PCDH15: variants seen among roughly 807,000 people sequenced by gnomAD.
PCDH15 encodes the protein protocadherin-15.
In PCDH15, 129 loss-of-function variants were observed where a neutral mutation model predicts 178.5. The observed-to-expected ratio is 0.72, with a 90% CI of 0.63 to 0.84. PCDH15 has a LOEUF of 0.84. Ranked by LOEUF, PCDH15 falls within the 40% of genes least tolerant of loss-of-function variation. PCDH15 has a pLI of 0.00. For missense variants in PCDH15, 2,230 were observed against 2,099.9 expected (o/e 1.06, Z -1.21); for synonymous variants, 800 against 732.0 (o/e 1.09, Z -1.50).
At chr10:54,231,599 C>T (rs2054082110) in intron 9 of PCDH15, among the ~76,000 whole-genome samples, 1 of 152,210 alleles carries the variant, frequency 6.6e-6, no homozygotes, top group South Asian at 2.1e-4. Context: ...TGACAGCTTG[C>T]AATGTGCACC....
At chr10:55,088,667 A>G (rs1842239915) in intron 2 of PCDH15, among the ~76,000 whole-genome samples, 1 of 152,140 alleles carries the variant, frequency 6.6e-6, no homozygotes, top group Admixed American at 6.6e-5. Flanking sequence ...TAGAATTTAT[A>G]TGTGTGTATA....
intron 2 of PCDH15, among the ~76,000 whole-genome samples, chr10:54,589,236 G>A (rs1181698133): frequency 6.6e-6 from 1 of 151,882 alleles, no homozygotes. Context: ...TTGTACTCTA[G>A]TTGTGCTTAT....
chr10:54,692,805 A>G (rs2095149802), intron 1 of PCDH15, among the ~76,000 whole-genome samples: 1 of 151,412 alleles, frequency 6.6e-6, no homozygotes, highest in African/African-American at 2.4e-5. Context: ...TAAAGATTAA[A>G]TGAGAAAATG....
intron 13 of PCDH15, among the ~76,000 whole-genome samples, chr10:54,162,744 T>C (rs1388798726): frequency 1.3e-5 from 2 of 152,188 alleles, no homozygotes; most frequent in East Asian, 3.9e-4. Flanking sequence ...ATTGTATCAC[T>C]TGGGCCTTTT....
intron 2 of PCDH15, among the ~76,000 whole-genome samples, chr10:54,547,645 T>G (rs2133107107): frequency 6.6e-6 from 1 of 152,272 alleles, no homozygotes; most frequent in East Asian, 1.9e-4. Flanking sequence ...AGTATTCCAT[T>G]ATATAACTGG....
chr10:54,382,498 G>C (rs1232639743), intron 3 of PCDH15, among the ~76,000 whole-genome samples: 1 of 152,088 alleles, frequency 6.6e-6, no homozygotes, highest in East Asian at 1.9e-4. Context: ...TGGGCATTAA[G>C]TATGGTCCAA....
intron 13 of PCDH15, among the ~76,000 whole-genome samples, chr10:54,182,137 T>A (rs913140335): frequency 7.2e-5 from 11 of 152,236 alleles, no homozygotes; most frequent in Non-Finnish European, 1.5e-4. Flanking sequence ...TTTTTAAAAA[T>A]TTTTATTTTA....
intron 26 of PCDH15, among the ~76,000 whole-genome samples, chr10:53,897,553 T>C (rs564895889): frequency 6.6e-6 from 1 of 152,080 alleles, no homozygotes; most frequent in African/African-American, 2.4e-5. Context: ...AAAGTTAGCA[T>C]TTCAACCACT....
At chr10:55,240,338 C>T (rs1841508622) in intron 1 of PCDH15, among the ~76,000 whole-genome samples, 1 of 152,072 alleles carries the variant, frequency 6.6e-6, no homozygotes, top group Non-Finnish European at 1.5e-5. Context: ...AATTTCATCA[C>T]CCTACTTTTA....
rs11004649 is a variant in PCDH15, at chr10:54,965,679, C to T, written c.-79-68179G>A. Among the ~76,000 whole-genome samples, 42 of 122,124 alleles carry T rather than the reference C, an allele frequency of 3.4e-4. No individual in the cohort carries two copies. The East Asian group carries it at 0.014, about 41-fold the overall frequency. The allele number at this position is 122,124 out of a possible 152,430, so 80.1% of individuals were successfully genotyped here. On this transcript the variant is annotated intron_variant, in intron 2 of 5. Coordinates refer to the PCDH15 transcript ENST00000458638. The stretch of plus-strand genomic sequence containing the variant: ...ATTAGCTTGCTATGTCTTTGAAAAG[C>T]CACATTAATTTTTTTTCATAAGAAA...
rs375246556 is a variant in PCDH15, at chr10:54,491,056, C to T, written c.157+36756G>A. ...ATGTGAACTTTAGGAAATGCACTAA[C>T]GTATAAGGGAAAGGCAGCTATCAGC... On this transcript the variant is annotated intron_variant, in intron 3 of 37. Transcript: ENST00000644397. Among the ~76,000 whole-genome samples the T allele has an allele frequency of 2.2e-4, 33 of 152,040 alleles. 1 individual carries two copies. The East Asian group carries it at 2.3e-3, about 11-fold the overall frequency.
At chr10:54,675,986 T>G (rs1271052541) in intron 1 of PCDH15, among the ~76,000 whole-genome samples, 1 of 152,202 alleles carries the variant, frequency 6.6e-6, no homozygotes, top group Non-Finnish European at 1.5e-5. Flanking sequence ...CACTTATTCC[T>G]GCAGCATTTG....
chr10:53,984,977 C>A (rs965755347), intron 21 of PCDH15, among the ~76,000 whole-genome samples: 1 of 152,098 alleles, frequency 6.6e-6, no homozygotes, highest in Non-Finnish European at 1.5e-5. Flanking sequence ...TAGGCAAGTT[C>A]TCTTAGGATT....
intron 26 of PCDH15, among the ~76,000 whole-genome samples, chr10:53,901,448 T>C (rs2082328969): frequency 6.6e-6 from 1 of 152,118 alleles, no homozygotes; most frequent in Non-Finnish European, 1.5e-5. Flanking sequence ...AAGGTCTCCA[T>C]AGCCTATCAA....
At chr10:55,365,069 T>C (rs1845322588) in intron 2 of PCDH15, among the ~76,000 whole-genome samples, 1 of 152,130 alleles carries the variant, frequency 6.6e-6, no homozygotes, top group Non-Finnish European at 1.5e-5. Context: ...CCTTTAAAGT[T>C]ATGGTCCAGT....
Position 53,827,501 on chromosome 10 carries a change from G to A in PCDH15, c.4259C>T (p.Pro1420Leu). The change falls in exon 32 of 38, where the codon CCC becomes CTC. Residue 1420 changes from proline (P) to leucine (L), a missense_variant. By Grantham distance (98) the Pro-to-Leu change is moderately conservative (BLOSUM62 -3). Coordinates refer to ENST00000644397, the MANE Select transcript of PCDH15 (RefSeq NM_001384140.1). ...AGCCGGCACTGCTGGTTTAGCCGCGGGTAATGCGGCCTGAATTCGTGCAGT... is the reference window on the plus strand; with the variant it reads ...AGCCGGCACTGCTGGTTTAGCCGCGAGTAATGCGGCCTGAATTCGTGCAGT... ...TKTARIQAAL[P>L]AAKPAVPAPA... 3.1e-6 allele frequency: 5 copies of A among 1,614,098 alleles called. No individual in the cohort carries two copies. Among genetic ancestry groups the A allele is most frequent in the Non-Finnish European group, 4.2e-6 (5 of 1,179,972 alleles).
chr10:54,153,068 G>T (rs2044701199), intron 14 of PCDH15, 32 bp downstream of exon 14: 3 of 1,612,070 alleles, frequency 1.9e-6, no homozygotes, highest in Middle Eastern at 1.7e-4. Context: ...CGGGCCCGAT[G>T]AAAAGACTGC....
chr10:55,005,693 C>T (rs982389146), intron 2 of PCDH15, among the ~76,000 whole-genome samples: 4 of 151,894 alleles, frequency 2.6e-5, no homozygotes, highest in East Asian at 1.9e-4. Flanking sequence ...GTGTCATTAG[C>T]GCTAATTTTA....
At chr10:53,953,215 A>T (rs745869503) in intron 23 of PCDH15, among the ~76,000 whole-genome samples, 1 of 152,254 alleles carries the variant, frequency 6.6e-6, no homozygotes, top group Non-Finnish European at 1.5e-5. Flanking sequence ...GTATGAAGAG[A>T]TATATATTTC....
Sources: gnomAD v4.1 joint callset for allele counts (sites outside exome capture counted in the v4.1 genomes callset) on GRCh38, gnomAD v4.1.1 for gene constraint, MANE v1.5 for transcripts, NCBI Gene and HGNC (gene_info 2026-07-23, HGNC 2026-07-21) for gene names.